Variants in WDR73 observed in about 807,000 individuals in gnomAD.
The protein encoded by WDR73 is WD repeat domain 73.
A neutral mutation model predicts 38.2 loss-of-function variants in WDR73; 30 were observed. The observed-to-expected ratio is 0.79, with a 90% CI of 0.59 to 1.06. WDR73 has a LOEUF of 1.06. Among genes scored for constraint, WDR73 ranks in the 50% least tolerant of loss-of-function variants. The pLI is 0.00. For synonymous variants in WDR73, 197 were observed against 176.0 expected (o/e 1.12, Z -0.94); for missense variants, 487 against 467.0 (o/e 1.04, Z -0.40).
In WDR73 at chr15:84,643,456, G is replaced by T; in HGVS notation, c.*14C>A. 1 of 1,550,946 alleles carries T rather than the reference G, an allele frequency of 6.4e-7. No homozygotes were observed. ...CCTCCCCTTTCTAGAGGCCTAGATG[G>T]AAAGATGCTGGTGTCAGCGGGGGGC... On this transcript the variant is annotated 3_prime_UTR_variant, in exon 8 of 8. Coordinates refer to ENST00000434634, the MANE Select transcript of WDR73 (RefSeq NM_032856.5).
At position 84,641,069 on chromosome 15, in the gene WDR73, A is replaced by T. The variant is rs1459801239; in HGVS notation, c.*2401T>A. 3 of 150,850 alleles carry T rather than the reference A, an allele frequency of 2.0e-5. No homozygotes were observed. Among genetic ancestry groups the T allele is most frequent in the Non-Finnish European group, 4.4e-5 (3 of 68,064 alleles). 9.3% of individuals were successfully genotyped at this position (150,850 alleles called of 1,614,324 possible). ...CTAGACCTTCTTGAGAGGCACTATCATTCTCATTTCACCTGTCACTTCCAG... is the reference window on the plus strand; with the variant it reads ...CTAGACCTTCTTGAGAGGCACTATCTTTCTCATTTCACCTGTCACTTCCAG... On this transcript the variant is annotated 3_prime_UTR_variant, in exon 8 of 8. Transcript: ENST00000434634.
At chr15:84,645,869 T>C in intron 6 of WDR73, 33 bp from the exon 7 acceptor site, 1 of 1,612,534 alleles carries the variant, frequency 6.2e-7, no homozygotes, top group East Asian at 2.2e-5. Context: ...GACAAGCGGC[T>C]GGAGGCAGAT....
Position 84,640,128 on chromosome 15 carries a change from C to T in WDR73, c.*3342G>A, listed in dbSNP as rs1277474442. On this transcript the variant is annotated 3_prime_UTR_variant, in exon 8 of 8. Transcript: ENST00000434634. ...TAGTGGAGGAGTCTCAAGAGGAATCCTGGAGGCTTGGTCCCCAGGCCTTGA... is the reference window on the plus strand; with the variant it reads ...TAGTGGAGGAGTCTCAAGAGGAATCTTGGAGGCTTGGTCCCCAGGCCTTGA... 1 of 152,130 alleles carries T rather than the reference C, an allele frequency of 6.6e-6. No homozygotes were observed. Among genetic ancestry groups the T allele is most frequent in the African/African-American group, 2.4e-5 (1 of 41,396 alleles). 9.4% of individuals were successfully genotyped at this position (152,130 alleles called of 1,614,324 possible).
At position 84,647,972 on chromosome 15, in the gene WDR73, A is replaced by C. The variant is rs1896515058; in HGVS notation, c.288-18T>G. ...CCAGCAATCTATTCAGAAAAGACAA[A>C]ATCAGTCCAGACCATGGGGAGCTTA... On this transcript the variant is annotated intron_variant, in intron 4 of 7. Transcript: ENST00000434634. 8.1e-6 allele frequency: 13 copies of C among 1,613,550 alleles called. No individual in the cohort carries two copies. The highest frequency in any genetic ancestry group is 1.7e-5 in the Admixed American group (1 of 60,018).
rs1296723616 is a variant in WDR73, at chr15:84,641,244, C to G, written c.*2226G>C. 6.6e-6 allele frequency: 1 copy of G among 152,182 alleles called. No homozygotes were observed. The highest frequency in any genetic ancestry group is 1.9e-4 in the East Asian group (1 of 5,196). 9.4% of individuals were successfully genotyped at this position (152,182 alleles called of 1,614,324 possible). On this transcript the variant is annotated 3_prime_UTR_variant, in exon 8 of 8. Transcript: ENST00000434634. ...AGATCTCCCGGACTTCAAGGAGATT[C>G]AGAAAACGTCCAGTGCAGGTGGGAA...
Position 84,654,268 on chromosome 15 carries a change from G to A in WDR73, c.7C>T (p.Pro3Ser), listed in dbSNP as rs373365022. Residue 3 changes from proline to serine, a missense_variant, in exon 1 of 8, where the codon CCT becomes TCT. By Grantham distance (74) the Pro-to-Ser change is moderately conservative. Coordinates refer to ENST00000434634, the MANE Select transcript of WDR73 (RefSeq NM_032856.5). The stretch of plus-strand genomic sequence containing the variant: ...GATTCCACCAGCCAGTCGTCCCCAG[G>A]ATCCATGGCAACGACCGCTTCCGGC... MDPGDDWLVESLR... is the reference protein window; with the variant it reads MDSGDDWLVESLR... 2.4e-5 allele frequency: 39 copies of A among 1,613,954 alleles called. No individual in the cohort carries two copies. In the East Asian group the frequency reaches 6.5e-4, roughly 27 times the overall value.
At chr15:84,647,797 AG>A in intron 5 of WDR73, 92 bp downstream of exon 5, 2 of 1,251,000 alleles carry the variant, frequency 1.6e-6, no homozygotes, top group Non-Finnish European at 2.3e-6. Context: ...CCCCAGCCTG[AG>A]TCTCCTTCTT....
chr15:84,649,855 C>T (rs909567228), intron 3 of WDR73, among the ~76,000 whole-genome samples: 8 of 152,238 alleles, frequency 5.3e-5, no homozygotes, highest in Non-Finnish European at 8.8e-5. Flanking sequence ...AGCAGTCCAC[C>T]GCCTCAGCTT....
rs748217615 is a variant in WDR73 at position 84,654,218 on chromosome 15, GC to G, written c.41+15del. On this transcript the variant is annotated intron_variant, in intron 1 of 7. Transcript: ENST00000434634. ...CTCCAGGCCCAGCTCCCATGTCCCA[GC>G]CCCGTACGATTTACAAGCGCAAGGA... 1.2e-5 allele frequency: 19 copies of G among 1,613,270 alleles called. No homozygotes were observed. In the East Asian group the frequency reaches 3.8e-4, roughly 32 times the overall value.
At chr15:84,647,091 C>CGT (rs1896486715) in intron 5 of WDR73, 1 of 152,248 alleles carries the variant, frequency 6.6e-6, no homozygotes, top group Non-Finnish European at 1.5e-5. Context: ...GACGGGGTTT[C>CGT]GCCATGTTGC....
chr15:84,639,543 G>C lies in WDR73; in HGVS notation c.*3927C>G, dbSNP rs565027264. On this transcript the variant is annotated 3_prime_UTR_variant, in exon 8 of 8. Coordinates refer to ENST00000434634, the MANE Select transcript of WDR73 (RefSeq NM_032856.5). ...CCATAGGCCCAAAGTGAACTCCCAC[G>C]TGGAGTAGGATGAAAACCCACAGCA... The C allele has an allele frequency of 6.6e-6, 1 of 152,180 alleles. No homozygotes were observed. The highest frequency in any genetic ancestry group is 1.9e-4 in the East Asian group (1 of 5,202). The allele number at this position is 152,180 out of a possible 1,614,324, so 9.4% of individuals were successfully genotyped here. A position where few individuals can be genotyped will look rare whatever the true frequency, so the allele number is the denominator to read the frequency against.
At chr15:84,648,843 C>T (rs1174279206) in intron 3 of WDR73, among the ~76,000 whole-genome samples, 2 of 152,164 alleles carry the variant, frequency 1.3e-5, no homozygotes, top group African/African-American at 4.8e-5. Flanking sequence ...TTCTCCTAGC[C>T]TTTCACTAGC....
At chr15:84,650,825 TAAAAC>T (rs1187542310) in intron 3 of WDR73, among the ~76,000 whole-genome samples, 7 of 151,282 alleles carry the variant, frequency 4.6e-5, no homozygotes, top group East Asian at 4.0e-4. Flanking sequence ...TTAAATAATT[TAAAAC>T]AAAACAAAAT....
intron 3 of WDR73, among the ~76,000 whole-genome samples, chr15:84,650,567 G>A (rs1385256039): frequency 9.2e-5 from 14 of 152,072 alleles, no homozygotes; most frequent in Non-Finnish European, 2.1e-4. Context: ...CACCATATTG[G>A]CCAGACTGGT....
chr15:84,648,314 T>C (rs1896525059), intron 4 of WDR73: 3 of 588,474 alleles, frequency 5.1e-6, no homozygotes, highest in African/African-American at 1.9e-5. Context: ...CCGGTAGAAC[T>C]GTTACTTACA....
chr15:84,648,594 C>A lies in WDR73; in HGVS notation c.230G>T (p.Arg77Leu), dbSNP rs764013056. 1.2e-6 allele frequency: 2 copies of A among 1,613,872 alleles called. No homozygotes were observed. The highest frequency in any genetic ancestry group is 2.2e-5 in the East Asian group (1 of 44,888). ...AGACCTGTCTGAAAATCCTCCATGG[C>A]GCACTTTGAAATCTCTTTCTGGGAA... ...GLFPERDFKV[R>L]HGGFSDRSIF... Residue 77 changes from arginine (R) to leucine (L), a missense_variant, in exon 4 of 8, where the codon CGC becomes CTC. Arg to Leu is a moderately radical substitution (Grantham distance 102). Coordinates refer to ENST00000434634, the MANE Select transcript of WDR73 (RefSeq NM_032856.5).
At chr15:84,648,773 A>G (rs1896539371) in intron 3 of WDR73, 148 bp from the exon 4 acceptor site, 4 of 656,296 alleles carry the variant, frequency 6.1e-6, no homozygotes, top group Non-Finnish European at 8.1e-6. Flanking sequence ...GGTATTTGGC[A>G]ATGTTGGTCT....
In WDR73 at chr15:84,654,210, A is replaced by C. The variant is rs371970800; in HGVS notation, c.41+24T>G. 4 of 1,603,652 alleles carry C rather than the reference A, an allele frequency of 2.5e-6. No individual in the cohort carries two copies. The East Asian group carries it at 8.9e-5, about 36-fold the overall frequency. On this transcript the variant is annotated intron_variant, in intron 1 of 7. Transcript: ENST00000434634. ...CAGGCAAGCTCCAGGCCCAGCTCCC[A>C]TGTCCCAGCCCCGTACGATTTACAA...
Position 84,646,053 on chromosome 15 carries a change from G to C in WDR73, c.517+131C>G, listed in dbSNP as rs780769554. On this transcript the variant is annotated intron_variant, in intron 6 of 7. Coordinates refer to ENST00000434634, the MANE Select transcript of WDR73 (RefSeq NM_032856.5). ...AGCATAGGAGCCCTTAGAGGCCAGG[G>C]CTTACCTCTTATTCACTGTGTATCC... 13 of 1,550,210 alleles carry C rather than the reference G, an allele frequency of 8.4e-6. No individual in the cohort carries two copies. In the African/African-American group the frequency reaches 1.8e-4, roughly 21 times the overall value.
Sources: gnomAD v4.1 joint callset for allele counts (sites outside exome capture counted in the v4.1 genomes callset) on GRCh38, gnomAD v4.1.1 for gene constraint, MANE v1.5 for transcripts, NCBI Gene and HGNC (gene_info 2026-07-23, HGNC 2026-07-21) for gene names.